Variants in DNAH17 observed in about 807,000 individuals in gnomAD.
DNAH17 encodes the protein axonemal beta dynein heavy chain 17.
DNAH17 carries 376 observed loss-of-function variants against 485.6 expected under a neutral mutation model. That is an observed-to-expected ratio of 0.77 (90% CI 0.71 to 0.84). DNAH17 has a LOEUF of 0.84. Ranked by LOEUF, DNAH17 falls within the 40% of genes least tolerant of loss-of-function variation. The pLI is 0.00. For synonymous variants in DNAH17, 3,031 were observed against 2,405.9 expected (o/e 1.26, Z -7.60); for missense variants, 6,370 against 5,839.3 (o/e 1.09, Z -2.96).
In DNAH17 at chr17:78,527,725, G is replaced by A. The variant is rs58652458; in HGVS notation, c.3508-729C>T. Among the ~76,000 whole-genome samples the A allele has an allele frequency of 6.5e-3, 989 of 152,120 alleles. 23 individuals are homozygous for A. Among genetic ancestry groups the A allele is most frequent in the East Asian group, 0.05 (258 of 5,182 alleles). ...GGCTGCAACAATCAGATGAATTTTG[G>A]TATTTCCCAAGTTCCCCACACTTGG... On this transcript the variant is annotated intron_variant, in intron 22 of 80. Transcript: ENST00000389840.
chr17:78,533,747 C>T (rs1379441924), intron 19 of DNAH17, among the ~76,000 whole-genome samples: 1 of 152,122 alleles, frequency 6.6e-6, no homozygotes, highest in African/African-American at 2.4e-5. Flanking sequence ...TGCAGTGGCC[C>T]GATCTCAGCT....
In DNAH17 at chr17:78,484,938, G is replaced by C. The variant is rs765818341; in HGVS notation, c.7579C>G (p.Pro2527Ala). Residue 2527 changes from proline to alanine, a missense_variant, in exon 48 of 81, where the codon CCC (proline) becomes GCC (alanine). By Grantham distance (27) the Pro-to-Ala change is conservative. Transcript: ENST00000389840. The stretch of plus-strand genomic sequence containing the variant: ...ACCGTCCCATACTTGTCCACCTCGG[G>C]CATGTTCATGTCGTCGATGAAGTAG... ...LVYFIDDMNM[P>A]EVDKYGTVAP... 1 of 1,610,056 alleles carries C rather than the reference G, an allele frequency of 6.2e-7. No individual in the cohort carries two copies. The highest frequency in any genetic ancestry group is 8.5e-7 in the Non-Finnish European group (1 of 1,178,082).
rs754865391 is a variant in DNAH17 at position 78,450,700 on chromosome 17, G to A, written c.10881C>T (p.Ala3627=). The A allele has an allele frequency of 2.5e-6, 4 of 1,613,592 alleles. No homozygotes were observed. Among genetic ancestry groups the A allele is most frequent in the Middle Eastern group, 1.7e-4 (1 of 5,958 alleles). The change falls in exon 67 of 81, where the codon GCC becomes GCT. Residue 3627 remains alanine (A), a synonymous_variant. Coordinates refer to ENST00000389840, the MANE Select transcript of DNAH17 (RefSeq NM_173628.4). The stretch of plus-strand genomic sequence containing the variant: ...CTCTGACCTTCTCCTCGATCTCGCT[G>A]GCTGTGTGCTTGGTGGTCTCCAGAT... ...VENLETTKHT[A]SEIEEKVVEA... is the part of the protein sequence containing the mutation.
intron 25 of DNAH17, among the ~76,000 whole-genome samples, chr17:78,516,414 C>T (rs1239949330): frequency 6.6e-6 from 1 of 152,142 alleles, no homozygotes; most frequent in African/African-American, 2.4e-5. Context: ...AGGCCGGGTG[C>T]GGCGGCTCAC....
chr17:78,468,837 G>A lies in DNAH17; in HGVS notation c.8558C>T (p.Pro2853Leu), dbSNP rs573384723. Reference sequence around the variant, plus strand: ...GGAGTCTGTCATCAGGAACACCGAGGGAACGTTCTTCACGGCAGCCTTTAT... The same window carrying A: ...GGAGTCTGTCATCAGGAACACCGAGAGAACGTTCTTCACGGCAGCCTTTAT... The part of the protein sequence containing the change: ...QYIKAAVKNV[P>L]SVFLMTDSQV... Residue 2853 changes from proline (P) to leucine (L), a missense_variant, in exon 55 of 81, where the codon CCC becomes CTC. Physicochemically the swap from Pro to Leu is moderately conservative, Grantham distance 98 (BLOSUM62 -3). Coordinates refer to ENST00000389840, the MANE Select transcript of DNAH17 (RefSeq NM_173628.4). 1.3e-5 allele frequency: 21 copies of A among 1,613,996 alleles called. No individual in the cohort carries two copies. The highest frequency in any genetic ancestry group is 1.7e-5 in the Admixed American group (1 of 60,030).
intron 55 of DNAH17, among the ~76,000 whole-genome samples, chr17:78,468,058 G>A (rs548530446): frequency 1.7e-5 from 2 of 120,612 alleles, no homozygotes; most frequent in Non-Finnish European, 3.5e-5. Context: ...GTATCAAGGT[G>A]CATTTATCTA....
intron 42 of DNAH17, among the ~76,000 whole-genome samples, chr17:78,491,935 A>C (rs1028032221): frequency 4.6e-5 from 7 of 152,120 alleles, no homozygotes; most frequent in African/African-American, 1.4e-4. Flanking sequence ...AAGTCTGCGG[A>C]GCACGCTTCA....
rs397856727 is a variant in DNAH17 at position 78,503,169 on chromosome 17, C to CTT, written c.4957-160_4957-159dup. The CTT allele has an allele frequency of 1.4e-3, 173 of 127,606 alleles. 5 individuals are homozygous for CTT. Among genetic ancestry groups the CTT allele is most frequent in the Non-Finnish European group, 1.8e-3 (134 of 75,756 alleles). The allele number at this position is 127,606 out of a possible 1,614,324, so 7.9% of individuals were successfully genotyped here. The stretch of plus-strand genomic sequence containing the variant: ...TTACAGAGCAGTAACAGTGACACAC[C>CTT]TTTTTTTTTTTTTTTTTTTTTTTTT... On this transcript the variant is annotated intron_variant, in intron 31 of 80. Coordinates refer to ENST00000389840, the MANE Select transcript of DNAH17 (RefSeq NM_173628.4).
At chr17:78,513,451 T>C (rs1377494750) in intron 26 of DNAH17, among the ~76,000 whole-genome samples, 6 of 152,246 alleles carry the variant, frequency 3.9e-5, no homozygotes, top group African/African-American at 1.4e-4. Context: ...TCCTATTTTG[T>C]TAGAGACACA....
At position 78,479,492 on chromosome 17, in the gene DNAH17, C is replaced by T. The variant is rs78514572; in HGVS notation, c.7893G>A (p.Ala2631=). ...IQRISSQLVA[A]ALALHQKITA... ...TGAGGCCAGCCAGCTTACCCAGGGC[C>T]GCGGCCACCAGCTGGCTGCTTATCC... Residue 2631 remains alanine (A), a synonymous_variant, in exon 50 of 81, where the codon GCG becomes GCA. Transcript: ENST00000389840. 1.4e-5 allele frequency: 22 copies of T among 1,611,140 alleles called. 1 individual carries two copies. The highest frequency in any genetic ancestry group is 8.8e-5 in the South Asian group (8 of 90,942).
In DNAH17 at chr17:78,451,430, C is replaced by T. The variant is rs147876774; in HGVS notation, c.10734+39G>A. The T allele has an allele frequency of 1.4e-4, 225 of 1,566,974 alleles. No homozygotes were observed. In the East Asian group the frequency reaches 3.2e-3, roughly 23 times the overall value. On this transcript the variant is annotated intron_variant, in intron 66 of 80. Transcript: ENST00000389840. ...GTGACCTGGCCCCCTCTGTGTGGGA[C>T]GGCACCTCCTCCCGTGTGACCAAAC...
At chr17:78,567,242 C>T (rs1417016334) in intron 9 of DNAH17, 76 bp from the exon 10 acceptor site, 33 of 1,506,152 alleles carry the variant, frequency 2.2e-5, no homozygotes, top group Non-Finnish European at 3.0e-5. Context: ...CTAGCTCTGA[C>T]CCCAGGCAGG....
At chr17:78,534,094 G>A (rs1387184286) in intron 19 of DNAH17, among the ~76,000 whole-genome samples, 1 of 152,186 alleles carries the variant, frequency 6.6e-6, no homozygotes, top group East Asian at 1.9e-4. Flanking sequence ...CTCATCTGGG[G>A]GCATGCATAT....
intron 54 of DNAH17, among the ~76,000 whole-genome samples, chr17:78,472,437 T>C (rs2088805739): frequency 6.6e-6 from 1 of 152,052 alleles, no homozygotes. Context: ...ACCCGATGGC[T>C]GCTTCTCACC....
chr17:78,494,009 G>A (rs986407814), intron 41 of DNAH17, 27 bp downstream of exon 41: 2 of 1,603,210 alleles, frequency 1.2e-6, no homozygotes, highest in Middle Eastern at 1.7e-4. Context: ...CCGGATCCCT[G>A]CAAGGTCCCT....
At chr17:78,539,559 G>A (rs2091466006) in intron 18 of DNAH17, among the ~76,000 whole-genome samples, 178 bp downstream of exon 18, 1 of 152,180 alleles carries the variant, frequency 6.6e-6, no homozygotes. Context: ...CTGGGACTGA[G>A]GGGATTCTGG....
chr17:78,557,731 T>TTGC (rs34262440), intron 14 of DNAH17, among the ~76,000 whole-genome samples: 121,439 of 150,320 alleles, frequency 0.81, 49,115 homozygotes, highest in East Asian at 0.88. Context: ...ATCACTATCT[T>TTGC]TGCTGCTATT....
chr17:78,524,607 G>A (rs2091015398), intron 25 of DNAH17, among the ~76,000 whole-genome samples: 1 of 108,550 alleles, frequency 9.2e-6, no homozygotes, highest in Non-Finnish European at 1.9e-5. Flanking sequence ...CCAGAACGGT[G>A]AGGAATAAAA....
chr17:78,506,992 C>G, intron 29 of DNAH17, 146 bp from the exon 30 acceptor site: 2 of 1,244,078 alleles, frequency 1.6e-6, no homozygotes, highest in Non-Finnish European at 2.2e-6. Context: ...AATCTCCTAC[C>G]GGAGGCTCTC....
Sources: gnomAD v4.1 joint callset for allele counts (sites outside exome capture counted in the v4.1 genomes callset) on GRCh38, gnomAD v4.1.1 for gene constraint, MANE v1.5 for transcripts, NCBI Gene and HGNC (gene_info 2026-07-23, HGNC 2026-07-21) for gene names.